The following HDAC8 variants were observed in gnomAD, a reference collection of about 807,000 sequenced individuals.
HDAC8 encodes histone deacetylase-like 1.
Under a neutral mutation model 32.2 loss-of-function variants are expected in HDAC8, and 1 was observed. The observed-to-expected ratio is 0.03, with a 90% CI of 0.01 to 0.15. HDAC8 has a LOEUF of 0.15. HDAC8 is among the 10% of genes least tolerant of loss of function. The pLI, the probability that HDAC8 is intolerant of heterozygous loss-of-function variation, is 1.00. For missense variants in HDAC8, 117 were observed against 300.0 expected, an observed-to-expected ratio of 0.39 and a Z score of 4.51; for synonymous variants, 108 against 113.9, an observed-to-expected ratio of 0.95 and a Z score of 0.33.
At chrX:72,348,423 C>T (rs932990181) in intron 10 of HDAC8, among the ~76,000 whole-genome samples, 5 of 112,396 alleles carry the variant, frequency 4.4e-5, no homozygotes, top group Admixed American at 9.4e-5. Flanking sequence ...CCTTTCCACG[C>T]TGACCATTGT....
At chrX:72,335,720 G>A (rs782135067) in intron 10 of HDAC8, among the ~76,000 whole-genome samples, 1 of 110,300 alleles carries the variant, frequency 9.1e-6, no homozygotes, top group South Asian at 3.9e-4. Context: ...AGACTAGCCT[G>A]GGCAAAATAG....
intron 9 of HDAC8, among the ~76,000 whole-genome samples, chrX:72,446,544 G>T (rs1308173600): frequency 9.0e-6 from 1 of 110,529 alleles, no homozygotes; most frequent in Non-Finnish European, 1.9e-5. Flanking sequence ...GCGGGGTGGG[G>T]GAACGGGGGA....
intron 4 of HDAC8, among the ~76,000 whole-genome samples, chrX:72,505,473 A>G (rs2049362158): frequency 9.0e-6 from 1 of 111,490 alleles, no homozygotes; most frequent in Admixed American, 9.5e-5. Flanking sequence ...CTTATAAGCT[A>G]CAGGTTACTG....
chrX:72,539,396 TA>T (rs1425058586), intron 4 of HDAC8, among the ~76,000 whole-genome samples: 2 of 107,458 alleles, frequency 1.9e-5, no homozygotes, highest in African/African-American at 6.8e-5. Context: ...CATGCCCAGC[TA>T]ATTTTTTTTT....
At chrX:72,506,895 A>G (rs1233041773) in intron 4 of HDAC8, among the ~76,000 whole-genome samples, 4 of 111,053 alleles carry the variant, frequency 3.6e-5, no homozygotes, top group Non-Finnish European at 7.6e-5. Flanking sequence ...TCTGTCACCC[A>G]GGGTGGAATG....
chrX:72,367,523 C>T (rs1555954806), intron 9 of HDAC8, among the ~76,000 whole-genome samples: 1 of 112,262 alleles, frequency 8.9e-6, no homozygotes, highest in East Asian at 2.8e-4. Context: ...AAGGGGGTTT[C>T]ATTTTCATTA....
intron 4 of HDAC8, among the ~76,000 whole-genome samples, chrX:72,554,484 G>A (rs1277835643): frequency 2.3e-5 from 2 of 86,213 alleles, no homozygotes; most frequent in Non-Finnish European, 4.9e-5. Context: ...TGTTTGGAGC[G>A]GGTAGGGCGG....
At chrX:72,351,881 T>C (rs1555949051) in intron 9 of HDAC8, 43 bp from the exon 10 acceptor site, 2 of 981,651 alleles carry the variant, frequency 2.0e-6, no homozygotes, top group African/African-American at 1.9e-5. Context: ...TTAAGCCACA[T>C]AAAACCTCCA....
intron 9 of HDAC8, among the ~76,000 whole-genome samples, chrX:72,436,806 G>A (rs2046963464): frequency 9.0e-6 from 1 of 111,282 alleles, no homozygotes; most frequent in Non-Finnish European, 1.9e-5. Context: ...ACTATAAAGG[G>A]AGGAAGGTAC....
At chrX:72,448,009 C>T (rs1473711114) in intron 9 of HDAC8, among the ~76,000 whole-genome samples, 2 of 111,957 alleles carry the variant, frequency 1.8e-5, no homozygotes, top group African/African-American at 6.5e-5. Context: ...GCCATACTGC[C>T]CAAAGTAATT....
At chrX:72,536,595 C>T (rs781789843) in intron 4 of HDAC8, among the ~76,000 whole-genome samples, 1 of 112,317 alleles carries the variant, frequency 8.9e-6, no homozygotes, top group South Asian at 3.7e-4. Context: ...ACACAAAATA[C>T]ATGCACCTAA....
intron 9 of HDAC8, among the ~76,000 whole-genome samples, chrX:72,357,665 C>T (rs1555951209): frequency 9.0e-6 from 1 of 110,580 alleles, no homozygotes; most frequent in African/African-American, 3.3e-5. Flanking sequence ...AGAGTGATGA[C>T]GGGAATACAG....
intron 10 of HDAC8, among the ~76,000 whole-genome samples, chrX:72,340,075 T>G (rs1260784263): frequency 8.9e-6 from 1 of 112,204 alleles, no homozygotes; most frequent in African/African-American, 3.2e-5. Flanking sequence ...GCTCTCGTCT[T>G]AGTTCTCAAG....
At chrX:72,532,608 T>C (rs922576976) in intron 4 of HDAC8, among the ~76,000 whole-genome samples, 3 of 109,667 alleles carry the variant, frequency 2.7e-5, no homozygotes, top group African/African-American at 1.0e-4. Context: ...GCTCATCATT[T>C]CCCTGATGAC....
At chrX:72,450,650 T>C (rs1408278376) in intron 9 of HDAC8, among the ~76,000 whole-genome samples, 1 of 111,469 alleles carries the variant, frequency 9.0e-6, no homozygotes, top group Non-Finnish European at 1.9e-5. Context: ...GAATGAATAG[T>C]AGATTGTATA....
At chrX:72,339,743 C>T (rs2043839898) in intron 10 of HDAC8, among the ~76,000 whole-genome samples, 1 of 111,657 alleles carries the variant, frequency 9.0e-6, no homozygotes, top group African/African-American at 3.3e-5. Context: ...CAGCTGCTGC[C>T]CCATCATGGC....
chrX:72,564,102 G>T (rs1378072657), intron 4 of HDAC8, among the ~76,000 whole-genome samples: 1 of 111,192 alleles, frequency 9.0e-6, no homozygotes. Flanking sequence ...AGAGGATGCA[G>T]TGAGCCGAGA....
At chrX:72,482,604 G>C (rs782176441) in intron 7 of HDAC8, among the ~76,000 whole-genome samples, 2 of 66,780 alleles carry the variant, frequency 3.0e-5, no homozygotes, top group East Asian at 2.9e-4. Flanking sequence ...TTCTATTTTG[G>C]GGGGGGGGAT....
Position 72,464,718 on chromosome X carries a change from C to T in HDAC8, c.751G>A (p.Val251Ile). 1 of 1,196,771 alleles carries T rather than the reference C, an allele frequency of 8.4e-7. No individual in the cohort carries two copies. The highest frequency in any genetic ancestry group is 1.1e-6 in the Non-Finnish European group (1 of 881,993). ...YQICESVLKEVYQAFNPKAVV... is the reference protein window; with the variant it reads ...YQICESVLKEIYQAFNPKAVV... Reference sequence around the variant, plus strand: ...GCTTTGGGATTAAAGGCTTGGTATACTTCCTTTAGTACACTATATAAAATA... The same window carrying T: ...GCTTTGGGATTAAAGGCTTGGTATATTTCCTTTAGTACACTATATAAAATA... The change falls in exon 8 of 11, where the codon GTA (valine) becomes ATA (isoleucine). Residue 251 changes from valine (V) to isoleucine (I), a missense_variant. Coordinates refer to ENST00000373573, the MANE Select transcript of HDAC8 (RefSeq NM_018486.3).
Sources: gnomAD v4.1 joint callset for allele counts (sites outside exome capture counted in the v4.1 genomes callset) on GRCh38, gnomAD v4.1.1 for gene constraint, MANE v1.5 for transcripts, NCBI Gene and HGNC (gene_info 2026-07-23, HGNC 2026-07-21) for gene names.